The following ATF1 variants were observed in gnomAD, a reference collection of about 807,000 sequenced individuals.
The protein encoded by ATF1 is activating transcription factor 1, also known as cyclic AMP-dependent transcription factor ATF-1.
Under a neutral mutation model 34.7 loss-of-function variants are expected in ATF1, and 16 were observed. That is an observed-to-expected ratio of 0.46 (90% confidence interval 0.31 to 0.70). The LOEUF (loss-of-function observed/expected upper bound fraction) is 0.70. Among genes scored for constraint, ATF1 ranks in the 30% least tolerant of loss-of-function variants. The pLI is 0.05. For synonymous variants in ATF1, 105 were observed against 113.1 expected, an observed-to-expected ratio of 0.93 and a Z score of 0.46; for missense variants, 255 against 321.6, an observed-to-expected ratio of 0.79 and a Z score of 1.58.
At chr12:50,778,846 G>GCTA (rs909787413) in intron 1 of ATF1, among the ~76,000 whole-genome samples, 6 of 152,164 alleles carry the variant, frequency 3.9e-5, no homozygotes, top group African/African-American at 1.4e-4. Flanking sequence ...CTTCCAAAGT[G>GCTA]CTAGGATTAC....
intron 6 of ATF1, among the ~76,000 whole-genome samples, chr12:50,819,156 C>T (rs1277126343): frequency 3.9e-5 from 6 of 152,156 alleles, no homozygotes; most frequent in African/African-American, 9.7e-5. Flanking sequence ...CTAGAAACAT[C>T]GCAAGAGACT....
In ATF1 at chr12:50,814,337, T is replaced by C. The variant is rs532503300; in HGVS notation, c.569T>C (p.Leu190Pro). ...CGAACTACACCTTCAGCTACTTCTC[T>C]GCCACAAACTGTGGTGATGACATCT... is the stretch of plus-strand genomic sequence containing the variant. ...QIRTTPSATS[L>P]PQTVVMTSPV... Residue 190 changes from leucine to proline, a missense_variant, in exon 6 of 7, where the codon CTG (leucine) becomes CCG (proline). Physicochemically the swap from Leu to Pro is moderately conservative, Grantham distance 98. Around this residue, in one of 2 missense-constraint regions of ATF1, gnomAD observed 221 missense variants for 250.7 expected, o/e 0.88. Coordinates refer to ENST00000262053, the MANE Select transcript of ATF1 (RefSeq NM_005171.5). 3.8e-5 allele frequency: 61 copies of C among 1,614,212 alleles called. 1 individual carries two copies. The highest frequency in any genetic ancestry group is 4.5e-5 in the Non-Finnish European group (53 of 1,180,016).
chr12:50,790,974 G>A (rs1343636095), intron 2 of ATF1, among the ~76,000 whole-genome samples: 2 of 140,524 alleles, frequency 1.4e-5, no homozygotes, highest in African/African-American at 2.5e-5. Context: ...GTTTTGGCTG[G>A]AACAAACAGT....
At chr12:50,783,245 T>C (rs1328338450) in intron 2 of ATF1, among the ~76,000 whole-genome samples, 1 of 152,206 alleles carries the variant, frequency 6.6e-6, no homozygotes, top group Admixed American at 6.5e-5. Context: ...TCAAAAGGAT[T>C]TGTGACCAAA....
chr12:50,772,676 TTCTCTCTCTC>T (rs60731667), intron 1 of ATF1, among the ~76,000 whole-genome samples: 2 of 150,424 alleles, frequency 1.3e-5, no homozygotes, highest in African/African-American at 4.9e-5. Flanking sequence ...AAATATATTT[TTCTCTCTCTC>T]TCTCTCTCTT....
At chr12:50,769,507 CAA>C (rs1233845738) in intron 1 of ATF1, among the ~76,000 whole-genome samples, 1 of 127,726 alleles carries the variant, frequency 7.8e-6, no homozygotes. Context: ...GACTCCATCT[CAA>C]AAAAAAAAAA....
intron 3 of ATF1, among the ~76,000 whole-genome samples, chr12:50,797,827 G>A (rs575723665): frequency 2.6e-5 from 4 of 152,228 alleles, no homozygotes; most frequent in East Asian, 3.9e-4. Flanking sequence ...TGTGCCTACT[G>A]AACAGTCTTT....
intron 1 of ATF1, 66 bp from the exon 2 acceptor site, chr12:50,780,074 T>C: frequency 1.6e-6 from 2 of 1,229,574 alleles, no homozygotes; most frequent in Non-Finnish European, 2.3e-6. Flanking sequence ...TTTTATATGA[T>C]TCTATAGTAT....
chr12:50,805,191 T>C (rs1442664169), intron 3 of ATF1, among the ~76,000 whole-genome samples: 1 of 151,924 alleles, frequency 6.6e-6, no homozygotes, highest in Non-Finnish European at 1.5e-5. Context: ...ATAACAAATC[T>C]TAACAAATTT....
intron 1 of ATF1, among the ~76,000 whole-genome samples, chr12:50,778,223 C>CG (rs1285269808): frequency 1.8e-5 from 2 of 109,704 alleles, no homozygotes; most frequent in African/African-American, 6.2e-5. Context: ...GCCATATTAA[C>CG]CTTTTTTTTT....
At chr12:50,798,618 G>C (rs1263834385) in intron 3 of ATF1, among the ~76,000 whole-genome samples, 1 of 152,012 alleles carries the variant, frequency 6.6e-6, no homozygotes, top group East Asian at 1.9e-4. Context: ...CTGAACCTGA[G>C]ATTTCTTTAT....
At chr12:50,808,989 C>G (rs907058640) in intron 3 of ATF1, among the ~76,000 whole-genome samples, 2 of 152,048 alleles carry the variant, frequency 1.3e-5, no homozygotes, top group Non-Finnish European at 2.9e-5. Context: ...CCGCTGGTCT[C>G]GGCCTCCCAA....
At chr12:50,787,613 C>T (rs1045752595) in intron 2 of ATF1, among the ~76,000 whole-genome samples, 1 of 151,714 alleles carries the variant, frequency 6.6e-6, no homozygotes, top group African/African-American at 2.4e-5. Context: ...TGGTGGTGCA[C>T]ACCCTGTGGT....
chr12:50,798,427 G>T (rs1431276469), intron 3 of ATF1, among the ~76,000 whole-genome samples: 3 of 151,582 alleles, frequency 2.0e-5, no homozygotes. Flanking sequence ...TCCTGCCTCA[G>T]TCTTCCGAGT....
intron 4 of ATF1, 29 bp from the exon 5 acceptor site, chr12:50,813,981 C>A: frequency 6.3e-7 from 1 of 1,594,346 alleles, no homozygotes; most frequent in Non-Finnish European, 8.6e-7. Flanking sequence ...TATAACCTTA[C>A]AATAGCTATT....
intron 2 of ATF1, among the ~76,000 whole-genome samples, chr12:50,792,012 A>G (rs1284038013): frequency 6.6e-6 from 1 of 152,168 alleles, no homozygotes; most frequent in Admixed American, 6.5e-5. Context: ...TCTCTTCAGA[A>G]TAGCATGTGC....
chr12:50,763,829 G>A (rs1365047269), upstream of ATF1: 1 of 152,170 alleles, frequency 6.6e-6, no homozygotes, highest in African/African-American at 2.4e-5. Flanking sequence ...ACGTAGGGCG[G>A]GTGGGGTACA....
chr12:50,780,833 G>A (rs988830520), intron 2 of ATF1, among the ~76,000 whole-genome samples: 15 of 151,984 alleles, frequency 9.9e-5, no homozygotes, highest in Non-Finnish European at 2.1e-4. Flanking sequence ...AGTGGCGGTT[G>A]CCTGTAATCC....
In ATF1 at chr12:50,765,040, TGCAGCTGGCGGCTGAATC is replaced by T. The variant is rs1166218058; in HGVS notation, c.-7+736_-7+753del. On this transcript the variant is annotated intron_variant, in intron 1 of 6. Transcript: ENST00000262053. The stretch of plus-strand genomic sequence containing the variant: ...GCATTTCTCACTTTGATCGACGCCG[TGCAGCTGGCGGCTGAATC>T]GCTTTGAAATGATTGCAATGTGAAA... 3.3e-5 allele frequency among the ~76,000 whole-genome samples: 5 copies of T among 152,338 alleles called. No individual in the cohort carries two copies. In the East Asian group the frequency reaches 9.6e-4, roughly 29 times the overall value.
Sources: gnomAD v4.1 joint callset for allele counts (sites outside exome capture counted in the v4.1 genomes callset) on GRCh38, gnomAD v4.1.1 for gene constraint, gnomAD v4.1.1 regional missense constraint, MANE v1.5 for transcripts, NCBI Gene and HGNC (gene_info 2026-07-23, HGNC 2026-07-21) for gene names.